MAP2K1: variants seen among roughly 807,000 people sequenced by gnomAD.
MAP2K1 encodes the protein mitogen-activated protein kinase kinase 1.
A neutral mutation model predicts 46.3 loss-of-function variants in MAP2K1; 16 were observed. That is an observed-to-expected ratio of 0.35 (90% CI 0.23 to 0.52). The LOEUF is 0.52. MAP2K1 is among the 20% of genes least tolerant of loss of function. The probability of loss-of-function intolerance (pLI) is 0.94; values close to 1 mark genes in which losing one functional copy is unlikely to be tolerated. For missense variants in MAP2K1, 263 were observed against 497.1 expected (o/e 0.53, Z 4.48); for synonymous variants, 183 against 185.6 (o/e 0.99, Z 0.11).
rs952922835 is a variant in MAP2K1, at chr15:66,403,705, C to T, written c.80+16278C>T. Among the ~76,000 whole-genome samples, 28 of 152,226 alleles carry T rather than the reference C, an allele frequency of 1.8e-4. 1 individual carries two copies. Among genetic ancestry groups the T allele is most frequent in the East Asian group, 1.4e-3 (7 of 5,178 alleles). The stretch of plus-strand genomic sequence containing the variant: ...GAGAGAAGACATGAAATGAGTCAAT[C>T]GTTGTTTTACAGGTTTGTCCGAATC... On this transcript the variant is annotated intron_variant, in intron 1 of 10. Coordinates refer to ENST00000307102, the MANE Select transcript of MAP2K1 (RefSeq NM_002755.4).
At chr15:66,416,703 A>T (rs2093425459) in intron 1 of MAP2K1, among the ~76,000 whole-genome samples, 1 of 152,032 alleles carries the variant, frequency 6.6e-6, no homozygotes, top group Non-Finnish European at 1.5e-5. Flanking sequence ...CTTGGTTTCC[A>T]CTATAACAAC....
chr15:66,472,355 C>T lies in MAP2K1; in HGVS notation c.569-9400C>T, dbSNP rs180855665. ...CTCTCCCTCTCACTTGTTTCCCTTTCGATGTTGGCTTTCTTCTCTCGGGCC... is the reference window on the plus strand; with the variant it reads ...CTCTCCCTCTCACTTGTTTCCCTTTTGATGTTGGCTTTCTTCTCTCGGGCC... On this transcript the variant is annotated intron_variant, in intron 5 of 10. Transcript: ENST00000307102. Among the ~76,000 whole-genome samples the T allele has an allele frequency of 3.3e-5, 5 of 151,640 alleles. No homozygotes were observed. The South Asian group carries it at 8.3e-4, about 25-fold the overall frequency.
intron 1 of MAP2K1, among the ~76,000 whole-genome samples, chr15:66,424,560 A>C (rs2093452171): frequency 6.6e-6 from 1 of 152,098 alleles, no homozygotes; most frequent in African/African-American, 2.4e-5. Flanking sequence ...TTCTCCAGTA[A>C]TGGGTTTTTA....
intron 1 of MAP2K1, among the ~76,000 whole-genome samples, chr15:66,419,961 T>A (rs1172198314): frequency 1.4e-5 from 2 of 147,810 alleles, no homozygotes; most frequent in Non-Finnish European, 3.0e-5. Context: ...AATAAATGCC[T>A]TGGCCAGGTG....
intron 5 of MAP2K1, among the ~76,000 whole-genome samples, chr15:66,468,526 A>G (rs980470969): frequency 3.3e-5 from 5 of 152,192 alleles, no homozygotes; most frequent in Admixed American, 2.0e-4. Context: ...AAGGAGACCA[A>G]TTTATTTAGA....
intron 5 of MAP2K1, among the ~76,000 whole-genome samples, chr15:66,455,318 G>A (rs994330567): frequency 2.0e-5 from 3 of 152,190 alleles, no homozygotes; most frequent in Admixed American, 2.0e-4. Context: ...GGTGCTCTGG[G>A]TGCAATGTTT....
At chr15:66,422,231 AT>A (rs1225346862) in intron 1 of MAP2K1, among the ~76,000 whole-genome samples, 4 of 152,090 alleles carry the variant, frequency 2.6e-5, no homozygotes, top group African/African-American at 9.7e-5. Flanking sequence ...GTATACATTC[AT>A]TTTTCCCCCA....
intron 1 of MAP2K1, among the ~76,000 whole-genome samples, chr15:66,399,145 A>C (rs2093375536): frequency 1.3e-5 from 2 of 152,244 alleles, no homozygotes; most frequent in South Asian, 4.1e-4. Context: ...CATAATGCAC[A>C]AAACTTACTC....
intron 1 of MAP2K1, among the ~76,000 whole-genome samples, chr15:66,423,752 C>T (rs2093449765): frequency 2.6e-5 from 1 of 38,778 alleles, no homozygotes; most frequent in Admixed American, 4.5e-4. Flanking sequence ...GGATTACAGG[C>T]ATGCACCACC....
At chr15:66,429,655 C>T (rs913464702) in intron 1 of MAP2K1, among the ~76,000 whole-genome samples, 4 of 136,304 alleles carry the variant, frequency 2.9e-5, no homozygotes, top group Non-Finnish European at 4.7e-5. Flanking sequence ...ACTGGGTCTG[C>T]ACTGCGGCGC....
At chr15:66,398,167 C>T (rs1040929892) in intron 1 of MAP2K1, among the ~76,000 whole-genome samples, 8 of 150,374 alleles carry the variant, frequency 5.3e-5, no homozygotes, top group Non-Finnish European at 1.2e-4. Flanking sequence ...CACTTGGGCA[C>T]TTGGGGAGAC....
intron 6 of MAP2K1, among the ~76,000 whole-genome samples, chr15:66,484,039 C>T (rs764712123): frequency 2.0e-5 from 3 of 151,984 alleles, no homozygotes; most frequent in Admixed American, 6.6e-5. Flanking sequence ...TGAGCCACCG[C>T]GCCTGGCTGT....
At chr15:66,443,105 T>TTTG (rs869231131) in intron 3 of MAP2K1, among the ~76,000 whole-genome samples, 175 bp from the exon 4 acceptor site, 1 of 144,630 alleles carries the variant, frequency 6.9e-6, no homozygotes, top group Non-Finnish European at 1.5e-5. Flanking sequence ...TTTTTTTTTT[T>TTTG]GAGACAGAGT....
intron 1 of MAP2K1, among the ~76,000 whole-genome samples, chr15:66,403,892 G>A (rs1464876236): frequency 6.6e-6 from 1 of 152,104 alleles, no homozygotes; most frequent in Non-Finnish European, 1.5e-5. Flanking sequence ...CAGTCCTCAA[G>A]AATGTCCTTA....
intron 1 of MAP2K1, among the ~76,000 whole-genome samples, chr15:66,420,475 C>T (rs1261421415): frequency 6.6e-6 from 1 of 151,290 alleles, no homozygotes; most frequent in Non-Finnish European, 1.5e-5. Flanking sequence ...ATCACCTGAG[C>T]CTGGGAGATC....
intron 5 of MAP2K1, among the ~76,000 whole-genome samples, chr15:66,455,322 A>G (rs1892139880): frequency 6.6e-6 from 1 of 152,236 alleles, no homozygotes; most frequent in Non-Finnish European, 1.5e-5. Flanking sequence ...CTCTGGGTGC[A>G]ATGTTTTGCT....
intron 5 of MAP2K1, among the ~76,000 whole-genome samples, chr15:66,460,234 T>C (rs1892284054): frequency 6.6e-6 from 1 of 152,204 alleles, no homozygotes; most frequent in African/African-American, 2.4e-5. Context: ...TGGTTAGAAA[T>C]GTGAGTCTCG....
Position 66,387,332 on chromosome 15 carries a change from G to A in MAP2K1, c.-16G>A, listed in dbSNP as rs1367660406. ...GCCCTCCCCCCGGAGTTGGAAGCGCGTTACCCGGGTCCAAAATGCCCAAGA... is the reference window on the plus strand; with the variant it reads ...GCCCTCCCCCCGGAGTTGGAAGCGCATTACCCGGGTCCAAAATGCCCAAGA... On this transcript the variant is annotated 5_prime_UTR_variant, in exon 1 of 11. Transcript: ENST00000307102. 3 of 1,553,876 alleles carry A rather than the reference G, an allele frequency of 1.9e-6. No homozygotes were observed. Among genetic ancestry groups the A allele is most frequent in the East Asian group, 4.8e-5 (2 of 41,334 alleles).
At chr15:66,482,161 C>T (rs553518029) in intron 6 of MAP2K1, among the ~76,000 whole-genome samples, 9 of 152,256 alleles carry the variant, frequency 5.9e-5, no homozygotes, top group Non-Finnish European at 1.0e-4. Context: ...AGCTCCAGCT[C>T]CCCTCTGGGC....
Sources: gnomAD v4.1 joint callset for allele counts (sites outside exome capture counted in the v4.1 genomes callset) on GRCh38, gnomAD v4.1.1 for gene constraint, MANE v1.5 for transcripts, NCBI Gene and HGNC (gene_info 2026-07-23, HGNC 2026-07-21) for gene names.